ADAMTS9: variants seen among roughly 807,000 people sequenced by gnomAD.
ADAMTS9 encodes A disintegrin and metalloproteinase with thrombospondin motifs 9.
ADAMTS9 carries 107 observed loss-of-function variants against 257.1 expected under a neutral mutation model. That is an observed-to-expected ratio of 0.42 (90% CI 0.36 to 0.49). ADAMTS9 has a LOEUF of 0.49. ADAMTS9 is among the 20% of genes least tolerant of loss of function. The pLI is 0.03. For synonymous variants in ADAMTS9, 982 were observed against 880.9 expected (o/e 1.11, Z -2.03); for missense variants, 2,353 against 2,469.1 (o/e 0.95, Z 1.00).
intron 4 of ADAMTS9, 115 bp downstream of exon 4, chr3:64,658,387 G>T: frequency 9.1e-7 from 1 of 1,096,540 alleles, no homozygotes; most frequent in Non-Finnish European, 1.3e-6. Context: ...TCAGTCACTT[G>T]CCTGAATGGC....
intron 28 of ADAMTS9, among the ~76,000 whole-genome samples, chr3:64,578,765 C>T (rs1295995598): frequency 2.0e-5 from 3 of 152,154 alleles, no homozygotes; most frequent in Admixed American, 6.5e-5. Context: ...GTCCATAAAA[C>T]GGGAGTCATT....
rs560158840 is a variant in ADAMTS9 at position 64,555,836 on chromosome 3, T to C, written c.4699-4774A>G. 1.4e-3 allele frequency among the ~76,000 whole-genome samples: 212 copies of C among 152,264 alleles called. 4 individuals are homozygous for C. The Middle Eastern group carries it at 0.048, about 34-fold the overall frequency. On this transcript the variant is annotated intron_variant, in intron 30 of 39. Transcript: ENST00000498707. ...TGGGTGGAGAAGCGGGGGAGCAGAA[T>C]GACCACAGCATTTTGGGGTTTTCAG...
chr3:64,646,461 T>G (rs1427115223), intron 11 of ADAMTS9, among the ~76,000 whole-genome samples: 1 of 152,168 alleles, frequency 6.6e-6, no homozygotes, highest in Non-Finnish European at 1.5e-5. Flanking sequence ...CTTGCAAAGA[T>G]TCACTCTTTG....
chr3:64,522,289 C>A lies in ADAMTS9; in HGVS notation c.5719-29G>T, dbSNP rs139207126. The A allele has an allele frequency of 6.9e-4, 1,108 of 1,604,612 alleles. 7 individuals are homozygous for A. In the African/African-American group the frequency reaches 0.013, roughly 19 times the overall value. On this transcript the variant is annotated intron_variant, in intron 38 of 39. Coordinates refer to ENST00000498707, the MANE Select transcript of ADAMTS9 (RefSeq NM_182920.2). ...CAAGGAGATGCATCATGTTAGCCTG[C>A]CTGCTTGGTTAATGCTTTCAGGGCC...
At chr3:64,582,695 T>C (rs1435734235) in intron 28 of ADAMTS9, 1 of 152,190 alleles carries the variant, frequency 6.6e-6, no homozygotes, top group Non-Finnish European at 1.5e-5. Flanking sequence ...CTGATAAGCA[T>C]CTACAATGTC....
rs752487252 is a variant in ADAMTS9 at position 64,655,782 on chromosome 3, A to T, written c.1053+10T>A. The T allele has an allele frequency of 2.5e-6, 4 of 1,569,796 alleles. No individual in the cohort carries two copies. The Admixed American group carries it at 7.8e-5, about 31-fold the overall frequency. On this transcript the variant is annotated intron_variant, in intron 5 of 39. Coordinates refer to ENST00000498707, the MANE Select transcript of ADAMTS9 (RefSeq NM_182920.2). ...TACAGATAGAAGAAAAAAGAAAAAAACTTTATTACCTGTTCATTATGAATC... is the reference window on the plus strand; with the variant it reads ...TACAGATAGAAGAAAAAAGAAAAAATCTTTATTACCTGTTCATTATGAATC...
intron 28 of ADAMTS9, among the ~76,000 whole-genome samples, chr3:64,570,197 T>C (rs145779513): frequency 2.6e-4 from 40 of 152,342 alleles, no homozygotes; most frequent in African/African-American, 9.6e-4. Flanking sequence ...TTATGCAAAG[T>C]ACTAGAAATG....
intron 36 of ADAMTS9, 61 bp from the exon 37 acceptor site, chr3:64,539,355 G>T: frequency 7.3e-7 from 1 of 1,378,452 alleles, no homozygotes; most frequent in East Asian, 2.3e-5. Context: ...AGGCAAGGAA[G>T]GAACAGGACA....
chr3:64,686,854 T>C lies in ADAMTS9; in HGVS notation c.230A>G (p.Asn77Ser). Reference protein sequence around the residue: ...VHFKRTRRSINSATDPWPAFA... With the variant: ...VHFKRTRRSISSATDPWPAFA... ...GGCAGGCCAGGGGTCAGTGGCAGAG[T>C]TAATGCTCCGTCGCGTTCTTTTGAA... The change falls in exon 2 of 40, where the codon AAC (asparagine) becomes AGC (serine). Residue 77 changes from asparagine (N) to serine (S), a missense_variant. This residue lies in a region of ADAMTS9 where 591 missense variants were observed against 569.6 expected (regional missense o/e 1.04). Transcript: ENST00000498707. The surrounding 1 kb of genome is among the most constrained non-coding windows in gnomAD (Gnocchi z 4.6). 1 of 1,612,974 alleles carries C rather than the reference T, an allele frequency of 6.2e-7. No homozygotes were observed. The highest frequency in any genetic ancestry group is 8.5e-7 in the Non-Finnish European group (1 of 1,179,644).
At chr3:64,595,556 A>C (rs2106792776) in intron 27 of ADAMTS9, among the ~76,000 whole-genome samples, 1 of 152,340 alleles carries the variant, frequency 6.6e-6, no homozygotes, top group African/African-American at 2.4e-5. Context: ...GCCCCACAGG[A>C]CAGAACTTTG....
At chr3:64,586,016 C>T (rs1222483549) in intron 28 of ADAMTS9, among the ~76,000 whole-genome samples, 1 of 152,118 alleles carries the variant, frequency 6.6e-6, no homozygotes, top group Non-Finnish European at 1.5e-5. Context: ...TTTACCATTT[C>T]ATCAACTAAA....
chr3:64,593,823 A>G (rs1298999884), intron 28 of ADAMTS9, among the ~76,000 whole-genome samples: 1 of 152,216 alleles, frequency 6.6e-6, no homozygotes, highest in African/African-American at 2.4e-5. Context: ...GGCAAATTAC[A>G]GTCACTGAAG....
intron 28 of ADAMTS9, among the ~76,000 whole-genome samples, chr3:64,572,275 T>G (rs757340692): frequency 6.6e-6 from 1 of 152,184 alleles, no homozygotes; most frequent in Non-Finnish European, 1.5e-5. Context: ...ATGTGGTGTT[T>G]TGTTCAGAGA....
intron 6 of ADAMTS9, among the ~76,000 whole-genome samples, chr3:64,655,174 C>T (rs1036833815): frequency 4.6e-5 from 7 of 152,234 alleles, no homozygotes; most frequent in Admixed American, 4.6e-4. Flanking sequence ...TCATATACTA[C>T]ATGGCAACGC....
chr3:64,657,452 T>C (rs1411330885), intron 4 of ADAMTS9, among the ~76,000 whole-genome samples: 1 of 151,898 alleles, frequency 6.6e-6, no homozygotes, highest in Non-Finnish European at 1.5e-5. Context: ...TTCTCTCACC[T>C]CAGCTCCCGA....
At chr3:64,579,926 A>G (rs1348157261) in intron 28 of ADAMTS9, among the ~76,000 whole-genome samples, 2 of 152,230 alleles carry the variant, frequency 1.3e-5, no homozygotes, top group Non-Finnish European at 2.9e-5. Flanking sequence ...ATCATATAAA[A>G]GAAGCCGACA....
intron 3 of ADAMTS9, among the ~76,000 whole-genome samples, chr3:64,677,019 A>G (rs1316961668): frequency 6.6e-6 from 1 of 152,184 alleles, no homozygotes; most frequent in Non-Finnish European, 1.5e-5. Flanking sequence ...GGTCAAATAG[A>G]GAGTGTCCGT....
At chr3:64,540,964 C>G (rs2083112989) in intron 36 of ADAMTS9, 131 bp downstream of exon 36, 2 of 1,301,220 alleles carry the variant, frequency 1.5e-6, no homozygotes, top group Non-Finnish European at 2.1e-6. Flanking sequence ...TGTTCTTCCT[C>G]TCCATACTAG....
At position 64,621,173 on chromosome 3, in the gene ADAMTS9, G is replaced by A. The variant is rs879200250; in HGVS notation, c.2754C>T (p.Cys918=). 6.8e-6 allele frequency: 11 copies of A among 1,613,746 alleles called. No homozygotes were observed. The highest frequency in any genetic ancestry group is 1.7e-5 in the Admixed American group (1 of 59,994). ...TGTGTCCAGGCTGGGGCAGCCGATC[G>A]CATCTTTGATCAGAAACAGTAAGCT... ...SDQLTVSDQR[C]DRLPQPGHIT... The change falls in exon 19 of 40, where the codon TGC becomes TGT. Residue 918 remains cysteine, a synonymous_variant. Coordinates refer to ENST00000498707, the MANE Select transcript of ADAMTS9 (RefSeq NM_182920.2).
Sources: gnomAD v4.1 joint callset for allele counts (sites outside exome capture counted in the v4.1 genomes callset) on GRCh38, gnomAD v4.1.1 for gene constraint, gnomAD v4.1.1 regional missense constraint, Gnocchi (gnomAD v3.1) non-coding constraint, MANE v1.5 for transcripts, NCBI Gene and HGNC (gene_info 2026-07-23, HGNC 2026-07-21) for gene names.